Variants in KIAA1549L observed in about 807,000 individuals in gnomAD.
KIAA1549L encodes the protein UPF0606 protein KIAA1549L.
In KIAA1549L, 88 loss-of-function variants were observed where a neutral mutation model predicts 160.7. The observed-to-expected ratio is 0.55, with a 90% CI of 0.46 to 0.65. The LOEUF is 0.65. Among genes scored for constraint, KIAA1549L ranks in the 30% least tolerant of loss-of-function variants. KIAA1549L has a pLI of 0.00. For missense variants in KIAA1549L, 2,258 were observed against 2,437.5 expected (o/e 0.93, Z 1.55); for synonymous variants, 950 against 976.7 (o/e 0.97, Z 0.51).
intron 1 of KIAA1549L, among the ~76,000 whole-genome samples, chr11:33,524,884 A>G (rs1049599394): frequency 6.6e-6 from 1 of 152,204 alleles, no homozygotes; most frequent in African/African-American, 2.4e-5. Context: ...GGAAAAATCT[A>G]ATGCAGAAGC....
intron 16 of KIAA1549L, among the ~76,000 whole-genome samples, chr11:33,641,239 C>T (rs1344994709): frequency 6.6e-6 from 1 of 152,172 alleles, no homozygotes; most frequent in African/African-American, 2.4e-5. Flanking sequence ...CAGACAATTA[C>T]AGCTTCACCT....
At chr11:33,655,349 C>T (rs1004893634) in intron 17 of KIAA1549L, among the ~76,000 whole-genome samples, 1 of 152,172 alleles carries the variant, frequency 6.6e-6, no homozygotes, top group African/African-American at 2.4e-5. Flanking sequence ...AGAAAGGTCA[C>T]CTGAGTTGCT....
intron 1 of KIAA1549L, among the ~76,000 whole-genome samples, chr11:33,506,468 G>A (rs1259619421): frequency 1.3e-5 from 2 of 152,190 alleles, no homozygotes; most frequent in Non-Finnish European, 2.9e-5. Flanking sequence ...GCTCACACCT[G>A]TAATATCAGC....
chr11:33,659,937 C>T (rs1295136495), intron 19 of KIAA1549L, among the ~76,000 whole-genome samples: 1 of 152,210 alleles, frequency 6.6e-6, no homozygotes, highest in East Asian at 1.9e-4. Flanking sequence ...CCCTGGAGAC[C>T]TTTGTCCTCT....
chr11:33,636,305 A>T (rs1440971153), intron 16 of KIAA1549L, among the ~76,000 whole-genome samples: 6 of 150,870 alleles, frequency 4.0e-5, no homozygotes, highest in Non-Finnish European at 7.4e-5. Flanking sequence ...AAGAAAAAAA[A>T]TTGTATCCTG....
chr11:33,381,953 G>A (rs550577903), intron 1 of KIAA1549L, among the ~76,000 whole-genome samples: 56 of 152,294 alleles, frequency 3.7e-4, no homozygotes, highest in Admixed American at 7.8e-4. Flanking sequence ...CAGGTTTGGG[G>A]TAAGAAAATA....
At chr11:33,656,173 G>T in intron 18 of KIAA1549L, 64 bp downstream of exon 18, 1 of 1,272,106 alleles carries the variant, frequency 7.9e-7, no homozygotes, top group East Asian at 2.5e-5. Context: ...TATGTACCCT[G>T]ACCTGACAAC....
Position 33,395,429 on chromosome 11 carries a change from A to C in KIAA1549L, c.238+18540A>C, listed in dbSNP as rs2134055105. Reference sequence around the variant, plus strand: ...ATTATTTTCTTTTTCTCTTCTCTCTAATTTTCAGGATGTTTCTGGAACTCT... The same window carrying C: ...ATTATTTTCTTTTTCTCTTCTCTCTCATTTTCAGGATGTTTCTGGAACTCT... On this transcript the variant is annotated intron_variant, in intron 1 of 20. Transcript: ENST00000658780. Among the ~76,000 whole-genome samples, 3 of 152,182 alleles carry C rather than the reference A, an allele frequency of 2.0e-5. No individual in the cohort carries two copies. The South Asian group carries it at 6.2e-4, about 32-fold the overall frequency.
intron 1 of KIAA1549L, among the ~76,000 whole-genome samples, chr11:33,435,806 ATATATGTGTGTG>A (rs2132931554): frequency 5.1e-5 from 1 of 19,668 alleles, no homozygotes; most frequent in South Asian, 1.7e-3. Flanking sequence ...ATATATATAT[ATATATGTGTGTG>A]TATATATATA....
chr11:33,474,312 C>G (rs955395103), intron 1 of KIAA1549L, among the ~76,000 whole-genome samples: 1 of 152,216 alleles, frequency 6.6e-6, no homozygotes, highest in African/African-American at 2.4e-5. Context: ...TTACTTTGCC[C>G]CACCTCCGTG....
chr11:33,626,887 G>A, intron 16 of KIAA1549L, among the ~76,000 whole-genome samples: 2 of 24,748 alleles, frequency 8.1e-5, no homozygotes, highest in African/African-American at 3.9e-4. Flanking sequence ...GATATTGGCT[G>A]TGGGTTTGTC....
chr11:33,557,966 A>T (rs1414608723), intron 6 of KIAA1549L, among the ~76,000 whole-genome samples: 4 of 152,046 alleles, frequency 2.6e-5, no homozygotes, highest in Non-Finnish European at 5.9e-5. Flanking sequence ...TTATGGGAAA[A>T]AGTGGGAAAT....
chr11:33,510,352 A>C (rs2133104502), intron 1 of KIAA1549L, among the ~76,000 whole-genome samples: 1 of 151,886 alleles, frequency 6.6e-6, no homozygotes, highest in South Asian at 2.1e-4. Flanking sequence ...CTCCCAGCTA[A>C]TTTTTCGTAC....
chr11:33,510,395 C>T (rs979313097), intron 1 of KIAA1549L, among the ~76,000 whole-genome samples: 3 of 152,148 alleles, frequency 2.0e-5, no homozygotes, highest in Non-Finnish European at 2.9e-5. Context: ...CCATGTTGGC[C>T]AGGCTGGTCT....
At chr11:33,590,607 TAA>T (rs2133285815) in intron 11 of KIAA1549L, among the ~76,000 whole-genome samples, 1 of 152,350 alleles carries the variant, frequency 6.6e-6, no homozygotes, top group Admixed American at 6.5e-5. Flanking sequence ...AAGTCTGGAT[TAA>T]AGAGTGACTC....
At chr11:33,559,606 T>C in intron 6 of KIAA1549L, 143 bp from the exon 7 acceptor site, 1 of 656,932 alleles carries the variant, frequency 1.5e-6, no homozygotes, top group Non-Finnish European at 2.7e-6. Flanking sequence ...ACGGTTACTC[T>C]TGTCTGTTCC....
At position 33,543,681 on chromosome 11, in the gene KIAA1549L, T is replaced by A. The variant is rs746356532; in HGVS notation, c.2118T>A (p.Ser706=). The A allele has an allele frequency of 6.2e-7, 1 of 1,614,034 alleles. No homozygotes were observed. The highest frequency in any genetic ancestry group is 8.5e-7 in the Non-Finnish European group (1 of 1,179,894). The stretch of plus-strand genomic sequence containing the variant: ...GTTCTCTTTCAGCAGAAACTGGATC[T>A]CTTTCCACAGAATCAATAATATCTG... ...FWSSLSAETG[S]LSTESIISGL... is the part of the protein sequence containing the mutation. The change falls in exon 2 of 21, where the codon TCT becomes TCA. Residue 706 remains serine, a synonymous_variant. Transcript: ENST00000658780.
intron 1 of KIAA1549L, among the ~76,000 whole-genome samples, chr11:33,478,356 T>A (rs1852335900): frequency 6.6e-6 from 1 of 152,244 alleles, no homozygotes; most frequent in Non-Finnish European, 1.5e-5. Context: ...AAGCTATGTC[T>A]TGCAGGGATT....
At chr11:33,615,308 A>G (rs2133342991) in intron 15 of KIAA1549L, among the ~76,000 whole-genome samples, 1 of 152,278 alleles carries the variant, frequency 6.6e-6, no homozygotes, top group East Asian at 1.9e-4. Context: ...AAGAGAACAT[A>G]ATTTGAGAGT....
Sources: gnomAD v4.1 joint callset for allele counts (sites outside exome capture counted in the v4.1 genomes callset) on GRCh38, gnomAD v4.1.1 for gene constraint, MANE v1.5 for transcripts, NCBI Gene and HGNC (gene_info 2026-07-23, HGNC 2026-07-21) for gene names.